Variants in RREB1 observed in about 807,000 individuals in gnomAD.
RREB1 encodes the protein ras responsive element binding protein 1.
Under a neutral mutation model 117.8 loss-of-function variants are expected in RREB1, and 27 were observed. The ratio of observed to expected loss-of-function variants is 0.23; its 90% CI spans 0.17 to 0.32. The LOEUF is 0.32. RREB1 is among the 10% of genes least tolerant of loss of function. The pLI, the probability that RREB1 is intolerant of heterozygous loss-of-function variation, is 1.00. For missense variants in RREB1, 2,577 were observed against 2,378.2 expected, an observed-to-expected ratio of 1.08 and a Z score of -1.74; for synonymous variants, 1,298 against 1,026.7, an observed-to-expected ratio of 1.26 and a Z score of -5.05.
intron 8 of RREB1, among the ~76,000 whole-genome samples, chr6:7,221,394 G>T (rs1767247748): frequency 6.6e-6 from 1 of 151,760 alleles, no homozygotes; most frequent in Non-Finnish European, 1.5e-5. Flanking sequence ...GGATGGTCTC[G>T]ATCTCCTGAC....
rs759718934 is a variant in RREB1 at position 7,229,817 on chromosome 6, C to A, written c.1718C>A (p.Ala573Glu). 1.2e-6 allele frequency: 2 copies of A among 1,610,148 alleles called. No individual in the cohort carries two copies. Among genetic ancestry groups the A allele is most frequent in the Admixed American group, 3.3e-5 (2 of 59,796 alleles). ...LQSKSGTQPHAATRLSLQQPR... is the reference protein window; with the variant it reads ...LQSKSGTQPHEATRLSLQQPR... Reference sequence around the variant, plus strand: ...TCCAAGTCCGGGACCCAGCCCCACGCGGCCACGCGGCTCTCCCTGCAGCAG... The same window carrying A: ...TCCAAGTCCGGGACCCAGCCCCACGAGGCCACGCGGCTCTCCCTGCAGCAG... Residue 573 changes from alanine (A) to glutamate (E), a missense_variant, in exon 10 of 13, where the codon GCG (alanine) becomes GAG (glutamate). Coordinates refer to ENST00000379938, the MANE Select transcript of RREB1 (RefSeq NM_001003699.4). This position sits in a 1 kb window ranked among gnomAD's most constrained non-coding sequence, Gnocchi z 4.5.
At chr6:7,145,956 C>G (rs948354935) in intron 1 of RREB1, among the ~76,000 whole-genome samples, 2 of 132,178 alleles carry the variant, frequency 1.5e-5, no homozygotes, top group Non-Finnish European at 3.1e-5. Flanking sequence ...ACTGTTAAAG[C>G]CAGTGCCTTC....
rs1454199418 is a variant in RREB1 at position 7,204,945 on chromosome 6, A to G, written c.426-5859A>G. Among the ~76,000 whole-genome samples the G allele has an allele frequency of 2.6e-5, 4 of 152,200 alleles. 1 individual carries two copies. Among genetic ancestry groups the G allele is most frequent in the Non-Finnish European group, 5.9e-5 (4 of 68,024 alleles). On this transcript the variant is annotated intron_variant, in intron 6 of 12. Transcript: ENST00000379938. ...AGTTTCCCAAAGGATTTTGCCCCCA[A>G]AAGAATTTTAAGAATGTTAAATTTC...
intron 8 of RREB1, among the ~76,000 whole-genome samples, chr6:7,224,784 C>A (rs1236200428): frequency 1.3e-5 from 2 of 152,184 alleles, no homozygotes; most frequent in Non-Finnish European, 2.9e-5. Context: ...TTATCCAGAT[C>A]TGTCCCTTCC....
chr6:7,234,367 C>T (rs988347521), intron 10 of RREB1, among the ~76,000 whole-genome samples: 2 of 152,128 alleles, frequency 1.3e-5, no homozygotes, highest in African/African-American at 4.8e-5. Context: ...CCTCGGTGCT[C>T]CCACCTCCCC....
At chr6:7,172,827 G>A (rs1404807448) in intron 1 of RREB1, among the ~76,000 whole-genome samples, 1 of 152,208 alleles carries the variant, frequency 6.6e-6, no homozygotes, top group Non-Finnish European at 1.5e-5. Flanking sequence ...CACATGTGAG[G>A]TGGTTAGAAG....
chr6:7,231,748 G>C lies in RREB1; in HGVS notation c.3649G>C (p.Gly1217Arg). 1 of 1,613,864 alleles carries C rather than the reference G, an allele frequency of 6.2e-7. No individual in the cohort carries two copies. Among genetic ancestry groups the C allele is most frequent in the Non-Finnish European group, 8.5e-7 (1 of 1,180,010 alleles). Residue 1217 changes from glycine to arginine, a missense_variant, in exon 10 of 13, where the codon GGG (glycine) becomes CGG (arginine). By Grantham distance (125) the Gly-to-Arg change is moderately radical. Coordinates refer to ENST00000379938, the MANE Select transcript of RREB1 (RefSeq NM_001003699.4). ...EVAGAPADHH[G>R]PSDEEQGSPP... ...GGCCGGAGCCCCTGCCGACCACCAT[G>C]GGCCCAGTGATGAAGAGCAGGGCAG...
At chr6:7,206,640 T>C (rs1170577286) in intron 6 of RREB1, among the ~76,000 whole-genome samples, 1 of 152,078 alleles carries the variant, frequency 6.6e-6, no homozygotes, top group Non-Finnish European at 1.5e-5. Context: ...ATACATGATA[T>C]CTTCAGCTAC....
rs762908687 is a variant in RREB1 at position 7,187,519 on chromosome 6, G to A, written c.257G>A (p.Arg86His). The A allele has an allele frequency of 6.9e-7, 1 of 1,452,904 alleles. No homozygotes were observed. The highest frequency in any genetic ancestry group is 1.6e-5 in the South Asian group (1 of 60,622). 90.0% of individuals were successfully genotyped at this position (1,452,904 alleles called of 1,614,324 possible). The change falls in exon 5 of 13, where the codon CGC (arginine) becomes CAC (histidine). Residue 86 changes from arginine to histidine, a missense_variant. By Grantham distance (29) the Arg-to-His change is conservative (BLOSUM62 0). Coordinates refer to ENST00000379938, the MANE Select transcript of RREB1 (RefSeq NM_001003699.4). ...TTQHQLTMHI[R>H]QHNTDTGGAD... Reference sequence around the variant, plus strand: ...CAGCACCAGCTGACCATGCACATTCGCCAGGTAGATTCCCACTGTTCTTTT... The same window carrying A: ...CAGCACCAGCTGACCATGCACATTCACCAGGTAGATTCCCACTGTTCTTTT...
At position 7,211,562 on chromosome 6, in the gene RREB1, T is replaced by A; in HGVS notation, c.571-11T>A. On this transcript the variant is annotated splice_polypyrimidine_tract_variant and intron_variant, in intron 7 of 12. Transcript: ENST00000379938. The stretch of plus-strand genomic sequence containing the variant: ...GACCTTCATGACTTCACTTTTTTCC[T>A]TTTCCCTCAGATGGTAGAAGACGGG... 1 of 1,613,494 alleles carries A rather than the reference T, an allele frequency of 6.2e-7. No homozygotes were observed. The highest frequency in any genetic ancestry group is 8.5e-7 in the Non-Finnish European group (1 of 1,179,470).
intron 8 of RREB1, among the ~76,000 whole-genome samples, chr6:7,224,846 C>CT (rs1427996858): frequency 6.6e-6 from 1 of 152,076 alleles, no homozygotes; most frequent in Non-Finnish European, 1.5e-5. Flanking sequence ...AAAAGGAACT[C>CT]TGTGTTTTGA....
chr6:7,114,557 G>A (rs1379677679), intron 1 of RREB1, among the ~76,000 whole-genome samples: 1 of 151,938 alleles, frequency 6.6e-6, no homozygotes, highest in Non-Finnish European at 1.5e-5. Context: ...TGCACAGAAC[G>A]ACCCCCATAC....
chr6:7,202,960 G>A (rs1766068750), intron 6 of RREB1, among the ~76,000 whole-genome samples: 1 of 152,144 alleles, frequency 6.6e-6, no homozygotes, highest in Non-Finnish European at 1.5e-5. Context: ...ATGTATTTTT[G>A]TGGATTTTGT....
intron 6 of RREB1, among the ~76,000 whole-genome samples, chr6:7,204,170 G>A (rs1766141767): frequency 6.6e-6 from 1 of 152,190 alleles, no homozygotes; most frequent in Non-Finnish European, 1.5e-5. Flanking sequence ...CCACACCCTG[G>A]GAGAGCTGGT....
chr6:7,185,912 CT>C (rs1239930850), intron 4 of RREB1, among the ~76,000 whole-genome samples: 1 of 152,112 alleles, frequency 6.6e-6, no homozygotes. Context: ...GGTTACTTGC[CT>C]CTGTGTACCC....
intron 1 of RREB1, among the ~76,000 whole-genome samples, chr6:7,113,359 G>A (rs994199874): frequency 6.6e-6 from 1 of 152,194 alleles, no homozygotes; most frequent in African/African-American, 2.4e-5. Flanking sequence ...CCCCTTTTCA[G>A]AGACTATGGG....
chr6:7,242,700 A>AT (rs765810052), intron 11 of RREB1, among the ~76,000 whole-genome samples: 1 of 134,770 alleles, frequency 7.4e-6, no homozygotes, highest in Admixed American at 7.3e-5. Context: ...CTTAAAAAAA[A>AT]GGGGGGGGGG....
In RREB1 at chr6:7,229,551, C is replaced by G; in HGVS notation, c.1452C>G (p.Ile484Met). 1 of 1,613,894 alleles carries G rather than the reference C, an allele frequency of 6.2e-7. No homozygotes were observed. The highest frequency in any genetic ancestry group is 8.5e-7 in the Non-Finnish European group (1 of 1,179,934). ...TGGCAGCCTCGGCTCCCCCTCAGAT[C>G]AGTCTTCCGCCCTTCTCCAAGGCCC... is the stretch of plus-strand genomic sequence containing the variant. ...LKMAASAPPQ[I>M]SLPPFSKAPA... Residue 484 changes from isoleucine (I) to methionine (M), a missense_variant, in exon 10 of 13, where the codon ATC becomes ATG. Transcript: ENST00000379938. The surrounding 1 kb of genome is among the most constrained non-coding windows in gnomAD (Gnocchi z 4.5).
In RREB1 at chr6:7,251,100, ACT is replaced by A. The variant is rs1253408168; in HGVS notation, c.*2135_*2136del. 1 of 151,786 alleles carries A rather than the reference ACT, an allele frequency of 6.6e-6. No homozygotes were observed. Among genetic ancestry groups the A allele is most frequent in the Admixed American group, 6.6e-5 (1 of 15,214 alleles). The allele number at this position is 151,786 out of a possible 1,614,324, so 9.4% of individuals were successfully genotyped here. ...TATTGTGGGGAGAAGCTGTGACTAAACTCTACGCTGCGGTGAGATGTAGCAGT... is the reference window on the plus strand; with the variant it reads ...TATTGTGGGGAGAAGCTGTGACTAAACTACGCTGCGGTGAGATGTAGCAGT... On this transcript the variant is annotated 3_prime_UTR_variant, in exon 13 of 13. Transcript: ENST00000379938.
Sources: allele counts gnomAD v4.1 joint callset (sites outside exome capture counted in the v4.1 genomes callset), GRCh38; gene constraint gnomAD v4.1.1; non-coding constraint Gnocchi (gnomAD v3.1); transcripts MANE v1.5; gene names NCBI Gene and HGNC (gene_info 2026-07-23, HGNC 2026-07-21).